Variants in ICA1 observed in about 807,000 individuals in gnomAD.
ICA1 encodes the protein islet cell autoantigen 1.
Under a neutral mutation model 71.0 loss-of-function variants are expected in ICA1, and 40 were observed. That is an observed-to-expected ratio of 0.56 (90% CI 0.44 to 0.73). The LOEUF (loss-of-function observed/expected upper bound fraction) is 0.73, where lower values mean the gene tolerates loss of function less well. Among genes scored for constraint, ICA1 ranks in the 30% least tolerant of loss-of-function variants. ICA1 has a pLI of 0.00. For missense variants in ICA1, 578 were observed against 576.5 expected (o/e 1.00, Z -0.03); for synonymous variants, 207 against 209.5 (o/e 0.99, Z 0.10).
At chr7:8,186,345 G>C (rs555063925) in intron 6 of ICA1, among the ~76,000 whole-genome samples, 54 of 152,282 alleles carry the variant, frequency 3.5e-4, no homozygotes, top group Middle Eastern at 3.4e-3. Flanking sequence ...GCAATCATCT[G>C]GTCACTGTGG....
intron 8 of ICA1, among the ~76,000 whole-genome samples, chr7:8,149,706 G>A (rs1379810999): frequency 2.6e-5 from 4 of 152,238 alleles, no homozygotes; most frequent in Non-Finnish European, 4.4e-5. Context: ...CTTTAATTAC[G>A]ACATCTAATT....
intron 6 of ICA1, among the ~76,000 whole-genome samples, chr7:8,210,321 G>C (rs576681571): frequency 2.8e-4 from 42 of 152,290 alleles, no homozygotes; most frequent in Middle Eastern, 3.4e-3. Context: ...AAACAGAAAA[G>C]GATGTGAGAG....
intron 6 of ICA1, among the ~76,000 whole-genome samples, chr7:8,161,756 C>G (rs1803916260): frequency 6.6e-6 from 1 of 152,132 alleles, no homozygotes; most frequent in African/African-American, 2.4e-5. Context: ...CAGCAGAGAC[C>G]CTCCCTGCCC....
intron 6 of ICA1, among the ~76,000 whole-genome samples, chr7:8,165,440 A>T: frequency 6.6e-6 from 1 of 152,220 alleles, no homozygotes; most frequent in East Asian, 1.9e-4. Flanking sequence ...GTTTCTTCTC[A>T]GCATTCCCCT....
intron 6 of ICA1, among the ~76,000 whole-genome samples, chr7:8,164,737 G>A (rs571574577): frequency 1.2e-4 from 19 of 152,186 alleles, no homozygotes; most frequent in African/African-American, 4.3e-4. Flanking sequence ...CTTTAATAAG[G>A]TGCCACAGGA....
At chr7:8,128,805 G>A (rs1320369791) in intron 12 of ICA1, among the ~76,000 whole-genome samples, 1 of 152,180 alleles carries the variant, frequency 6.6e-6, no homozygotes, top group African/African-American at 2.4e-5. Flanking sequence ...GAGCTTCACA[G>A]GCTAGAGACA....
At chr7:8,208,475 G>T (rs1388968626) in intron 6 of ICA1, among the ~76,000 whole-genome samples, 1 of 152,074 alleles carries the variant, frequency 6.6e-6, no homozygotes, top group Non-Finnish European at 1.5e-5. Flanking sequence ...GAGTGTGCTG[G>T]GCTAACCCAC....
At chr7:8,163,380 A>G (rs1043513075) in intron 6 of ICA1, among the ~76,000 whole-genome samples, 4 of 152,242 alleles carry the variant, frequency 2.6e-5, no homozygotes, top group African/African-American at 4.8e-5. Flanking sequence ...AAAATAAAAC[A>G]ATGATTCTAC....
chr7:8,227,571 A>T, intron 4 of ICA1: 1 of 360,262 alleles, frequency 2.8e-6, no homozygotes, highest in Non-Finnish European at 5.3e-6. Context: ...CTGCCTCTAC[A>T]TACAATGATT....
chr7:8,224,337 G>A (rs139245382), intron 4 of ICA1, among the ~76,000 whole-genome samples: 291 of 152,214 alleles, frequency 1.9e-3, no homozygotes, highest in African/African-American at 6.6e-3. Flanking sequence ...AAGGGAAAAG[G>A]TGACTGAAGA....
At chr7:8,124,913 C>T (rs575286873) in intron 13 of ICA1, among the ~76,000 whole-genome samples, 55 of 152,102 alleles carry the variant, frequency 3.6e-4, no homozygotes, top group African/African-American at 1.2e-3. Context: ...CTCAGCCTCC[C>T]GAGTAGCTGG....
chr7:8,215,736 A>C (rs1795201682), intron 6 of ICA1, among the ~76,000 whole-genome samples: 1 of 152,254 alleles, frequency 6.6e-6, no homozygotes, highest in Non-Finnish European at 1.5e-5. Flanking sequence ...AACTCAAAAA[A>C]GAGAATTTAT....
At chr7:8,224,487 T>C (rs759573076) in intron 4 of ICA1, among the ~76,000 whole-genome samples, 2 of 152,198 alleles carry the variant, frequency 1.3e-5, no homozygotes, top group African/African-American at 2.4e-5. Flanking sequence ...GAAATAATGA[T>C]AGACTTACAG....
intron 9 of ICA1, among the ~76,000 whole-genome samples, chr7:8,142,265 T>C (rs779028160): frequency 2.0e-5 from 3 of 152,222 alleles, no homozygotes; most frequent in Non-Finnish European, 4.4e-5. Flanking sequence ...GACCATCTCC[T>C]ACTCAACTCT....
rs1352311566 is a variant in ICA1, at chr7:8,127,865, T to G, written c.1330+8A>C. On this transcript the variant is annotated splice_region_variant and intron_variant, in intron 13 of 13. Coordinates refer to ENST00000402384, the MANE Select transcript of ICA1 (RefSeq NM_001136020.3). ...AAAAAACCCCATTTCAATCCCCACC[T>G]TACCTACCTTGTAGCGAGGCCTGTA... is the stretch of plus-strand genomic sequence containing the variant. 1.3e-6 allele frequency: 2 copies of G among 1,598,588 alleles called. No homozygotes were observed.
intron 1 of ICA1, 41 bp downstream of exon 1, chr7:8,262,053 C>T (rs1812713708): frequency 6.6e-6 from 1 of 152,224 alleles, no homozygotes; most frequent in Admixed American, 6.5e-5. Context: ...TTCCTGCAGC[C>T]CGCCCGGCGC....
intron 13 of ICA1, among the ~76,000 whole-genome samples, chr7:8,127,514 G>T (rs1449340697): frequency 6.6e-6 from 1 of 152,066 alleles, no homozygotes; most frequent in Non-Finnish European, 1.5e-5. Context: ...CCAGGAAGAG[G>T]GCATGCTTAT....
At chr7:8,140,782 T>C (rs529585595) in intron 10 of ICA1, among the ~76,000 whole-genome samples, 70 of 152,052 alleles carry the variant, frequency 4.6e-4, no homozygotes, top group Non-Finnish European at 8.7e-4. Flanking sequence ...GAGTCTTTTG[T>C]TGTTGTTGTT....
In ICA1 at chr7:8,128,176, C is replaced by T. The variant is rs370731524; in HGVS notation, c.1061-34G>A. 488 of 1,601,064 alleles carry T rather than the reference C, an allele frequency of 3.0e-4. 3 individuals carry two copies. The South Asian group carries it at 4.6e-3, about 15-fold the overall frequency. ...AGTAACAGAGAACAAAACGTCACCA[C>T]GGAGGGCTCAAGCCCTCAGGAATCA... On this transcript the variant is annotated intron_variant, in intron 12 of 13. Coordinates refer to ENST00000402384, the MANE Select transcript of ICA1 (RefSeq NM_001136020.3).
Sources: gnomAD v4.1 joint callset for allele counts (sites outside exome capture counted in the v4.1 genomes callset) on GRCh38, gnomAD v4.1.1 for gene constraint, MANE v1.5 for transcripts, NCBI Gene and HGNC (gene_info 2026-07-23, HGNC 2026-07-21) for gene names.